LRFN2: variants seen among roughly 807,000 people sequenced by gnomAD.
The protein encoded by LRFN2 is leucine rich repeat and fibronectin type III domain containing 2.
In LRFN2, 18 loss-of-function variants were observed where a neutral mutation model predicts 37.3. The observed-to-expected ratio is 0.48, with a 90% CI of 0.33 to 0.72. The LOEUF is 0.72. LRFN2 is among the 30% of genes least tolerant of loss of function. The pLI, the probability that LRFN2 is intolerant of heterozygous loss-of-function variation, is 0.02. For synonymous variants in LRFN2, 556 were observed against 466.6 expected, an observed-to-expected ratio of 1.19 and a Z score of -2.47; for missense variants, 1,006 against 1,060.7, an observed-to-expected ratio of 0.95 and a Z score of 0.72.
intron 1 of LRFN2, among the ~76,000 whole-genome samples, chr6:40,535,559 A>G (rs1766432851): frequency 6.6e-6 from 1 of 152,092 alleles, no homozygotes; most frequent in South Asian, 2.1e-4. Flanking sequence ...GACCCCATTA[A>G]CCACCACTTA....
intron 1 of LRFN2, among the ~76,000 whole-genome samples, chr6:40,551,283 G>T (rs188203115): frequency 5.3e-5 from 8 of 152,296 alleles, no homozygotes; most frequent in East Asian, 1.9e-4. Context: ...CTGAGGTAGG[G>T]TCTCTGTCCT....
intron 1 of LRFN2, among the ~76,000 whole-genome samples, chr6:40,473,570 C>A (rs1382815185): frequency 6.6e-6 from 1 of 152,162 alleles, no homozygotes. Flanking sequence ...CTATTATCAT[C>A]CCTGTTTTGT....
intron 1 of LRFN2, among the ~76,000 whole-genome samples, chr6:40,449,498 C>G (rs1444630785): frequency 1.3e-5 from 2 of 152,150 alleles, no homozygotes; most frequent in Non-Finnish European, 2.9e-5. Flanking sequence ...AAGGTCATGC[C>G]TGTCTTTGCT....
chr6:40,571,533 G>A (rs1289657670), intron 1 of LRFN2, among the ~76,000 whole-genome samples: 1 of 152,182 alleles, frequency 6.6e-6, no homozygotes, highest in Non-Finnish European at 1.5e-5. Context: ...GGGAGGGAGG[G>A]AGCTGAAACC....
At chr6:40,574,921 T>G (rs1481491387) in intron 1 of LRFN2, among the ~76,000 whole-genome samples, 2 of 152,124 alleles carry the variant, frequency 1.3e-5, no homozygotes, top group African/African-American at 4.8e-5. Context: ...GCACAGGGGA[T>G]CCCTGCTTCT....
At chr6:40,503,728 C>G (rs1765451740) in intron 1 of LRFN2, among the ~76,000 whole-genome samples, 1 of 152,154 alleles carries the variant, frequency 6.6e-6, no homozygotes, top group Non-Finnish European at 1.5e-5. Context: ...TGCCAAGGTG[C>G]AGCCAAAGAT....
chr6:40,471,936 C>T (rs941844017), intron 1 of LRFN2, among the ~76,000 whole-genome samples: 1 of 152,192 alleles, frequency 6.6e-6, no homozygotes, highest in Admixed American at 6.5e-5. Context: ...TTTATTCACA[C>T]CTATTTAGTG....
chr6:40,571,257 T>C (rs1254195824), intron 1 of LRFN2, among the ~76,000 whole-genome samples: 1 of 152,216 alleles, frequency 6.6e-6, no homozygotes, highest in Non-Finnish European at 1.5e-5. Flanking sequence ...TCAGTAAACA[T>C]CTGTTAACTG....
intron 2 of LRFN2, among the ~76,000 whole-genome samples, chr6:40,424,728 C>T (rs1763309759): frequency 6.6e-6 from 1 of 152,180 alleles, no homozygotes. Flanking sequence ...ACCCACCCTT[C>T]CAGGAGAATC....
At chr6:40,573,589 T>A (rs968567071) in intron 1 of LRFN2, among the ~76,000 whole-genome samples, 1 of 152,198 alleles carries the variant, frequency 6.6e-6, no homozygotes. Flanking sequence ...CAGAAACAAC[T>A]GGATTCAAAT....
At chr6:40,474,885 A>C (rs938832210) in intron 1 of LRFN2, among the ~76,000 whole-genome samples, 4 of 152,206 alleles carry the variant, frequency 2.6e-5, no homozygotes, top group African/African-American at 9.7e-5. Context: ...TCCATCACAA[A>C]CACTCTTTTG....
chr6:40,554,933 A>T (rs1766841515), intron 1 of LRFN2, among the ~76,000 whole-genome samples: 1 of 152,242 alleles, frequency 6.6e-6, no homozygotes, highest in Non-Finnish European at 1.5e-5. Flanking sequence ...TTTCTAACAA[A>T]GCCATTTTTA....
At chr6:40,500,284 G>A (rs916459084) in intron 1 of LRFN2, among the ~76,000 whole-genome samples, 1 of 152,230 alleles carries the variant, frequency 6.6e-6, no homozygotes, top group Non-Finnish European at 1.5e-5. Flanking sequence ...TTCCTGTCAG[G>A]TTTGGCCCAT....
At chr6:40,584,346 C>T (rs1767461039) in intron 1 of LRFN2, among the ~76,000 whole-genome samples, 1 of 152,188 alleles carries the variant, frequency 6.6e-6, no homozygotes, top group Non-Finnish European at 1.5e-5. Flanking sequence ...CACAAAGACT[C>T]ACATTGTTAA....
rs1055675583 is a variant in LRFN2, at chr6:40,509,830, C to T, written c.-18-76699G>A. ...GTATGCCAGGGAATACTGAGCTGCG[C>T]AGGTAGGAGAGCTGAGTGCACGCAT... On this transcript the variant is annotated intron_variant, in intron 1 of 2. Transcript: ENST00000338305. Among the ~76,000 whole-genome samples the T allele has an allele frequency of 2.7e-5, 4 of 147,472 alleles. No individual in the cohort carries two copies. The Middle Eastern group carries it at 0.018, about 647-fold the overall frequency.
At chr6:40,447,884 C>T (rs1764008088) in intron 1 of LRFN2, among the ~76,000 whole-genome samples, 1 of 152,172 alleles carries the variant, frequency 6.6e-6, no homozygotes, top group Non-Finnish European at 1.5e-5. Context: ...CTAGGACTGA[C>T]CCCTGTTCTC....
intron 1 of LRFN2, among the ~76,000 whole-genome samples, chr6:40,546,643 C>A (rs1300885294): frequency 1.3e-5 from 2 of 152,182 alleles, no homozygotes; most frequent in African/African-American, 2.4e-5. Context: ...AGCTTCCAAG[C>A]CTTGTGATCT....
At chr6:40,504,763 T>C (rs1765486014) in intron 1 of LRFN2, among the ~76,000 whole-genome samples, 1 of 152,238 alleles carries the variant, frequency 6.6e-6, no homozygotes, top group African/African-American at 2.4e-5. Context: ...CCCTTTTCAA[T>C]TTCCAAAGCT....
chr6:40,460,856 T>A (rs895955056), intron 1 of LRFN2, among the ~76,000 whole-genome samples: 1 of 152,192 alleles, frequency 6.6e-6, no homozygotes, highest in African/African-American at 2.4e-5. Flanking sequence ...TTTTAAAAAG[T>A]TGGCCAAGTG....
Sources: allele counts gnomAD v4.1 joint callset (sites outside exome capture counted in the v4.1 genomes callset), GRCh38; gene constraint gnomAD v4.1.1; transcripts MANE v1.5; gene names NCBI Gene and HGNC (gene_info 2026-07-23, HGNC 2026-07-21).